Variants in FAM107B observed in about 807,000 individuals in gnomAD.
FAM107B encodes the protein protein FAM107B.
A neutral mutation model predicts 31.5 loss-of-function variants in FAM107B; 21 were observed. The ratio of observed to expected loss-of-function variants is 0.67; its 90% confidence interval spans 0.47 to 0.96. The LOEUF (loss-of-function observed/expected upper bound fraction) is 0.96. FAM107B is among the 40% of genes least tolerant of loss of function. FAM107B has a pLI of 0.00. For synonymous variants in FAM107B, 157 were observed against 141.5 expected (o/e 1.11, Z -0.78); for missense variants, 452 against 377.1 (o/e 1.20, Z -1.64).
At chr10:14,616,540 T>C (rs1162219982) in intron 2 of FAM107B, among the ~76,000 whole-genome samples, 2 of 152,212 alleles carry the variant, frequency 1.3e-5, no homozygotes, top group Non-Finnish European at 2.9e-5. Flanking sequence ...GGTATATTAT[T>C]GGCAATTTTG....
intron 1 of FAM107B, among the ~76,000 whole-genome samples, chr10:14,691,326 A>C (rs1432505510): frequency 6.6e-6 from 1 of 152,204 alleles, no homozygotes; most frequent in Non-Finnish European, 1.5e-5. Context: ...TGCAGAGTCC[A>C]TGTCTCCAAA....
rs2130728730 is a variant in FAM107B at position 14,519,620 on chromosome 10, T to A, written c.*1570A>T. 6.6e-6 allele frequency: 1 copy of A among 152,368 alleles called. No homozygotes were observed. The highest frequency in any genetic ancestry group is 2.1e-4 in the South Asian group (1 of 4,828). The allele number at this position is 152,368 out of a possible 1,614,324, so 9.4% of individuals were successfully genotyped here. A position where few individuals can be genotyped will look rare whatever the true frequency, so the allele number is the denominator to read the frequency against. ...TGTTTCTCTAACTAGCAGTATATTA[T>A]CATTGCATTTACTTTTGTTCCCATT... is the stretch of plus-strand genomic sequence containing the variant. On this transcript the variant is annotated 3_prime_UTR_variant, in exon 5 of 5. Coordinates refer to ENST00000181796, the MANE Select transcript of FAM107B (RefSeq NM_031453.4).
chr10:14,621,658 C>A (rs746812011), intron 2 of FAM107B, among the ~76,000 whole-genome samples: 2 of 152,204 alleles, frequency 1.3e-5, no homozygotes, highest in Non-Finnish European at 2.9e-5. Flanking sequence ...CCCCTAGGTT[C>A]CCAGACTAGA....
chr10:14,641,621 G>C (rs888759918), intron 2 of FAM107B, among the ~76,000 whole-genome samples: 2 of 152,288 alleles, frequency 1.3e-5, no homozygotes, highest in East Asian at 3.9e-4. Flanking sequence ...AAGAGAGAGA[G>C]AGGAAGCGCT....
intron 3 of FAM107B, 38 bp downstream of exon 3, chr10:14,530,294 C>T: frequency 1.3e-6 from 2 of 1,568,294 alleles, no homozygotes; most frequent in Non-Finnish European, 1.7e-6. Flanking sequence ...TCTTAAAAGT[C>T]CTCTTAAAAA....
intron 1 of FAM107B, among the ~76,000 whole-genome samples, chr10:14,717,598 G>A (rs1345162457): frequency 1.3e-5 from 2 of 152,118 alleles, no homozygotes; most frequent in Non-Finnish European, 2.9e-5. Flanking sequence ...AAGAGAGAGA[G>A]TGCGAGAGAC....
At chr10:14,774,213 C>A in intron 1 of FAM107B, 40 bp downstream of exon 1, 1 of 1,566,660 alleles carries the variant, frequency 6.4e-7, no homozygotes, top group Non-Finnish European at 8.7e-7. Context: ...GCTCCTCCAG[C>A]TCCATCCCGT....
intron 1 of FAM107B, among the ~76,000 whole-genome samples, chr10:14,683,387 T>C (rs938745633): frequency 3.3e-5 from 5 of 152,134 alleles, no homozygotes; most frequent in Non-Finnish European, 7.4e-5. Flanking sequence ...AGACAAACCA[T>C]TGTGTGTTTC....
chr10:14,529,570 A>G (rs938479276), intron 3 of FAM107B: 2 of 152,170 alleles, frequency 1.3e-5, no homozygotes, highest in African/African-American at 4.8e-5. Flanking sequence ...GGCTTAGCAA[A>G]GAGTGGGCAA....
chr10:14,705,613 G>A (rs113828448), intron 1 of FAM107B, among the ~76,000 whole-genome samples: 8,244 of 152,122 alleles, frequency 0.054, 303 homozygotes, highest in Non-Finnish European at 0.079. Flanking sequence ...GCTAGCCACA[G>A]AAAGACAAAT....
At chr10:14,746,796 A>T (rs1018532663) in intron 1 of FAM107B, among the ~76,000 whole-genome samples, 1 of 152,160 alleles carries the variant, frequency 6.6e-6, no homozygotes, top group African/African-American at 2.4e-5. Context: ...CTCATGGAGT[A>T]TCTTACTGGG....
At chr10:14,609,761 G>C (rs966014246) in intron 2 of FAM107B, among the ~76,000 whole-genome samples, 18 of 152,318 alleles carry the variant, frequency 1.2e-4, no homozygotes, top group African/African-American at 4.1e-4. Flanking sequence ...TATACCAGAG[G>C]CCAGGAATTG....
intron 1 of FAM107B, among the ~76,000 whole-genome samples, chr10:14,734,488 G>GTGTTTTTGTTTTTGTTTTTTTT (rs558940939): frequency 4.3e-5 from 6 of 138,544 alleles, no homozygotes; most frequent in African/African-American, 1.6e-4. Context: ...TTTTTGTGAG[G>GTGTTTTTGTTTTTGTTTTTTTT]TTTTTTTTTT....
chr10:14,583,893 C>T (rs939223764), intron 2 of FAM107B, among the ~76,000 whole-genome samples: 21 of 152,154 alleles, frequency 1.4e-4, no homozygotes, highest in Non-Finnish European at 2.2e-4. Flanking sequence ...AAGTACAAAA[C>T]GACACTCTCC....
intron 1 of FAM107B, among the ~76,000 whole-genome samples, chr10:14,718,127 G>C (rs1222943055): frequency 6.6e-6 from 1 of 152,150 alleles, no homozygotes; most frequent in African/African-American, 2.4e-5. Context: ...AGGAGTTCGA[G>C]ACCAGCCTGG....
chr10:14,553,240 T>C (rs1849419543), intron 2 of FAM107B: 1 of 623,844 alleles, frequency 1.6e-6, no homozygotes, highest in African/African-American at 2.0e-5. Context: ...ATTATATCTG[T>C]TCACAGGTAA....
intron 2 of FAM107B, among the ~76,000 whole-genome samples, chr10:14,631,929 A>G (rs1853363934): frequency 6.6e-6 from 1 of 152,072 alleles, no homozygotes; most frequent in Non-Finnish European, 1.5e-5. Flanking sequence ...TTGCCATACG[A>G]CCGCACAAGC....
chr10:14,571,611 TA>T (rs1255629565), intron 2 of FAM107B, among the ~76,000 whole-genome samples: 1 of 152,198 alleles, frequency 6.6e-6, no homozygotes, highest in Non-Finnish European at 1.5e-5. Flanking sequence ...AAAGACACAC[TA>T]TTCAATACCA....
intron 2 of FAM107B, among the ~76,000 whole-genome samples, chr10:14,658,064 G>A (rs1034758090): frequency 4.6e-5 from 7 of 152,000 alleles, no homozygotes; most frequent in African/African-American, 1.2e-4. Flanking sequence ...CACCCACTTC[G>A]GCCCCCCAAA....
Sources: allele counts gnomAD v4.1 joint callset (sites outside exome capture counted in the v4.1 genomes callset), GRCh38; gene constraint gnomAD v4.1.1; transcripts MANE v1.5; gene names NCBI Gene and HGNC (gene_info 2026-07-23, HGNC 2026-07-21).